The following IQSEC1 variants were observed in gnomAD, a reference collection of about 807,000 sequenced individuals.
IQSEC1 encodes IQ motif and SEC7 domain-containing protein 1.
A neutral mutation model predicts 91.0 loss-of-function variants in IQSEC1; 31 were observed. That is an observed-to-expected ratio of 0.34 (90% CI 0.26 to 0.46). The LOEUF (loss-of-function observed/expected upper bound fraction) is 0.46, where lower values mean the gene tolerates loss of function less well. IQSEC1 is among the 20% of genes least tolerant of loss of function. IQSEC1 has a pLI of 1.00. For missense variants in IQSEC1, 1,388 were observed against 1,575.6 expected (o/e 0.88, Z 2.02); for synonymous variants, 699 against 662.6 (o/e 1.05, Z -0.84).
chr3:13,126,920 AT>A (rs935088316), intron 2 of IQSEC1, among the ~76,000 whole-genome samples: 3 of 151,936 alleles, frequency 2.0e-5, no homozygotes, highest in African/African-American at 4.8e-5. Flanking sequence ...AAGATTTTCT[AT>A]TTTTTTCCTA....
intron 1 of IQSEC1, among the ~76,000 whole-genome samples, chr3:13,240,915 T>C (rs1341061988): frequency 6.6e-6 from 1 of 152,240 alleles, no homozygotes; most frequent in African/African-American, 2.4e-5. Context: ...TACAGTCATT[T>C]GTTAACGTAG....
At chr3:13,090,694 T>A (rs570141043) in intron 2 of IQSEC1, among the ~76,000 whole-genome samples, 1 of 152,056 alleles carries the variant, frequency 6.6e-6, no homozygotes, top group East Asian at 1.9e-4. Context: ...CACAGCCTGG[T>A]GTTGATTTAA....
rs550084804 is a variant in IQSEC1, at chr3:12,922,359, G to A, written c.1731-117C>T. The A allele has an allele frequency of 2.8e-5, 36 of 1,263,398 alleles. No homozygotes were observed. The highest frequency in any genetic ancestry group is 3.5e-5 in the Non-Finnish European group (33 of 950,192). 78.3% of individuals were successfully genotyped at this position (1,263,398 alleles called of 1,614,324 possible). A position where few individuals can be genotyped will look rare whatever the true frequency, so the allele number is the denominator to read the frequency against. ...AATGGACCGCCTCCTGGCAGGGAGAGCCCCTGCCTGACTCCGACCAATCAG... is the reference window on the plus strand; with the variant it reads ...AATGGACCGCCTCCTGGCAGGGAGAACCCCTGCCTGACTCCGACCAATCAG... On this transcript the variant is annotated intron_variant, in intron 4 of 13. Coordinates refer to ENST00000613206, the MANE Select transcript of IQSEC1 (RefSeq NM_001134382.3). This position sits in a 1 kb window ranked among gnomAD's most constrained non-coding sequence, Gnocchi z 5.1.
intron 1 of IQSEC1, among the ~76,000 whole-genome samples, chr3:12,948,491 C>T (rs959542529): frequency 6.6e-6 from 1 of 152,210 alleles, no homozygotes; most frequent in Non-Finnish European, 1.5e-5. Context: ...ACAGTCCAAC[C>T]CCAGCCCCTC....
intron 1 of IQSEC1, among the ~76,000 whole-genome samples, chr3:13,196,919 C>T (rs553278879): frequency 1.8e-4 from 28 of 152,072 alleles, no homozygotes; most frequent in African/African-American, 5.8e-4. Flanking sequence ...CTGTGGGATC[C>T]GGGTGGGGGT....
rs550710673 is a variant in IQSEC1 at position 13,138,912 on chromosome 3, T to C, written c.302+25192A>G. On this transcript the variant is annotated intron_variant, in intron 2 of 15. Coordinates refer to the IQSEC1 transcript ENST00000648114. Reference sequence around the variant, plus strand: ...GTAGGAAGCAACTGCCCCCTCCAGATGTTCATGGCACAGAGCTCAGCTTTC... The same window carrying C: ...GTAGGAAGCAACTGCCCCCTCCAGACGTTCATGGCACAGAGCTCAGCTTTC... Among the ~76,000 whole-genome samples, 139 of 152,072 alleles carry C rather than the reference T, an allele frequency of 9.1e-4. No homozygotes were observed. In the Middle Eastern group the frequency reaches 0.02, roughly 22 times the overall value.
chr3:13,230,088 G>C (rs1694817881), intron 1 of IQSEC1, among the ~76,000 whole-genome samples: 1 of 152,158 alleles, frequency 6.6e-6, no homozygotes, highest in African/African-American at 2.4e-5. Context: ...GCTCTATCAA[G>C]GTCAAAACAC....
chr3:13,083,906 C>T (rs1705692459), intron 2 of IQSEC1, among the ~76,000 whole-genome samples: 2 of 152,254 alleles, frequency 1.3e-5, no homozygotes, highest in Admixed American at 1.3e-4. Flanking sequence ...CCACTTCATG[C>T]CAGAGTCCTG....
chr3:13,068,880 T>A (rs142644417), intron 1 of IQSEC1, among the ~76,000 whole-genome samples: 14 of 152,332 alleles, frequency 9.2e-5, no homozygotes, highest in African/African-American at 3.4e-4. Flanking sequence ...TCTATCTTCT[T>A]CATTTCTCTG....
In IQSEC1 at chr3:12,983,569, C is replaced by G. The variant is rs1490943112; in HGVS notation, c.24-41704G>C. 6.6e-6 allele frequency among the ~76,000 whole-genome samples: 1 copy of G among 152,152 alleles called. No individual in the cohort carries two copies. Among genetic ancestry groups the G allele is most frequent in the African/African-American group, 2.4e-5 (1 of 41,424 alleles). On this transcript the variant is annotated intron_variant, in intron 1 of 13. Coordinates refer to ENST00000613206, the MANE Select transcript of IQSEC1 (RefSeq NM_001134382.3). This position sits in a 1 kb window ranked among gnomAD's most constrained non-coding sequence, Gnocchi z 4.3. Reference sequence around the variant, plus strand: ...GATGAAGTGATGCCCCAGCCTTGAGCAGGGTGCCCAGAGGGGGTGCTGAGC... The same window carrying G: ...GATGAAGTGATGCCCCAGCCTTGAGGAGGGTGCCCAGAGGGGGTGCTGAGC...
At chr3:13,009,601 C>T (rs1331022965) in intron 1 of IQSEC1, among the ~76,000 whole-genome samples, 1 of 151,704 alleles carries the variant, frequency 6.6e-6, no homozygotes, top group East Asian at 1.9e-4. Context: ...TCCCTCACCT[C>T]CTCCTGCCAA....
chr3:13,220,874 G>A (rs1694646005), intron 1 of IQSEC1, among the ~76,000 whole-genome samples: 1 of 152,164 alleles, frequency 6.6e-6, no homozygotes, highest in South Asian at 2.1e-4. Context: ...GGGTTTTGCT[G>A]CCAAACTCCT....
At chr3:13,068,784 T>G (rs62232907) in intron 1 of IQSEC1, among the ~76,000 whole-genome samples, 17,426 of 152,168 alleles carry the variant, frequency 0.11, 1,337 homozygotes, top group East Asian at 0.28. Context: ...TCATTTAGAT[T>G]TCTGTTCAAA....
At chr3:12,980,860 G>C (rs1701416143) in intron 1 of IQSEC1, among the ~76,000 whole-genome samples, 1 of 152,204 alleles carries the variant, frequency 6.6e-6, no homozygotes, top group Admixed American at 6.5e-5. Context: ...TCCTTCCTGG[G>C]AGGAGCACTG....
At chr3:13,115,317 G>A (rs1039227753) in intron 2 of IQSEC1, among the ~76,000 whole-genome samples, 4 of 152,134 alleles carry the variant, frequency 2.6e-5, no homozygotes, top group African/African-American at 9.7e-5. Context: ...CGTCCTGCCT[G>A]GCCAGGTGCT....
At chr3:13,179,031 C>T (rs148191956) in intron 1 of IQSEC1, among the ~76,000 whole-genome samples, 21 of 152,324 alleles carry the variant, frequency 1.4e-4, no homozygotes, top group Non-Finnish European at 2.2e-4. Context: ...TTGCCCCTCC[C>T]TAGTTCCTGT....
chr3:13,014,642 C>G (rs1251485229), intron 1 of IQSEC1, among the ~76,000 whole-genome samples: 3 of 152,106 alleles, frequency 2.0e-5, no homozygotes, highest in Non-Finnish European at 2.9e-5. Flanking sequence ...AGTGAGAGCT[C>G]CCAGGCTGCT....
At chr3:13,160,274 G>A (rs911175067) in intron 2 of IQSEC1, among the ~76,000 whole-genome samples, 1 of 152,110 alleles carries the variant, frequency 6.6e-6, no homozygotes, top group South Asian at 2.1e-4. Flanking sequence ...GGACCTTGGG[G>A]CAGGGCAAGA....
At chr3:13,166,220 C>T (rs894327639) in intron 1 of IQSEC1, among the ~76,000 whole-genome samples, 10 of 152,276 alleles carry the variant, frequency 6.6e-5, no homozygotes, top group Non-Finnish European at 1.0e-4. Context: ...ATAGCTAACA[C>T]ACAGTTCCTG....
Sources: allele counts gnomAD v4.1 joint callset (sites outside exome capture counted in the v4.1 genomes callset), GRCh38; gene constraint gnomAD v4.1.1; non-coding constraint Gnocchi (gnomAD v3.1); transcripts MANE v1.5; gene names NCBI Gene and HGNC (gene_info 2026-07-23, HGNC 2026-07-21).